The following EPHA4 variants were observed in gnomAD, a reference collection of about 807,000 sequenced individuals.
EPHA4 encodes ephrin type-A receptor 4.
In EPHA4, 19 loss-of-function variants were observed where a neutral mutation model predicts 108.3. The ratio of observed to expected loss-of-function variants is 0.18; its 90% CI spans 0.12 to 0.26. The LOEUF (loss-of-function observed/expected upper bound fraction) is 0.26, where lower values mean the gene tolerates loss of function less well. Ranked by LOEUF, EPHA4 falls within the 10% of genes least tolerant of loss-of-function variation. EPHA4 has a pLI of 1.00. For synonymous variants in EPHA4, 449 were observed against 455.5 expected (o/e 0.99, Z 0.18); for missense variants, 917 against 1,254.0 (o/e 0.73, Z 4.06).
rs143620310 is a variant in EPHA4, at chr2:221,478,710, A to G, written c.1318+3642T>C. On this transcript the variant is annotated intron_variant, in intron 5 of 17. Transcript: ENST00000281821. The stretch of plus-strand genomic sequence containing the variant: ...AAGTACTCTGTCCTCAGCTCCACCC[A>G]CTCTCAGACCTGTCTATCTGCCTAT... Among the ~76,000 whole-genome samples, 1,110 of 151,962 alleles carry G rather than the reference A, an allele frequency of 7.3e-3. 19 individuals are homozygous for G. The highest frequency in any genetic ancestry group is 0.026 in the African/African-American group (1,064 of 41,460).
chr2:221,419,000 T>C lies in EPHA4; in HGVS notation c.*2372A>G. ...ACACCCTGTCAGAATGTAATAAATA[T>C]TTATTGATGATTTTCTCTACTTATT... is the stretch of plus-strand genomic sequence containing the variant. On this transcript the variant is annotated 3_prime_UTR_variant, in exon 18 of 18. Transcript: ENST00000281821. 6.6e-6 allele frequency: 1 copy of C among 152,666 alleles called. No individual in the cohort carries two copies. Among genetic ancestry groups the C allele is most frequent in the South Asian group, 2.1e-4 (1 of 4,832 alleles). The allele number at this position is 152,666 out of a possible 1,614,324, so 9.5% of individuals were successfully genotyped here.
intron 3 of EPHA4, among the ~76,000 whole-genome samples, chr2:221,547,065 T>G (rs1694018514): frequency 6.6e-6 from 1 of 152,146 alleles, no homozygotes. Context: ...CAGGGGAAGG[T>G]GAGAAAGTAC....
intron 4 of EPHA4, among the ~76,000 whole-genome samples, chr2:221,500,644 C>T (rs749787860): frequency 6.6e-6 from 1 of 152,118 alleles, no homozygotes; most frequent in South Asian, 2.1e-4. Flanking sequence ...AGACTGAAAC[C>T]ACATTCCCAA....
chr2:221,545,986 C>T (rs905784249), intron 3 of EPHA4, among the ~76,000 whole-genome samples: 11 of 152,202 alleles, frequency 7.2e-5, no homozygotes, highest in Admixed American at 1.3e-4. Context: ...ACCTCATCCC[C>T]AGCAGGACTC....
chr2:221,499,756 ATT>A (rs575017779), intron 4 of EPHA4, among the ~76,000 whole-genome samples: 449 of 26,048 alleles, frequency 0.017, 15 homozygotes, highest in South Asian at 0.036. Context: ...ATATATATAT[ATT>A]TTTTTTTTTT....
At chr2:221,513,460 A>G (rs761820463) in intron 3 of EPHA4, among the ~76,000 whole-genome samples, 16 of 152,240 alleles carry the variant, frequency 1.1e-4, no homozygotes, top group Non-Finnish European at 2.1e-4. Flanking sequence ...TGCAGCTGAA[A>G]TGACTGCAGT....
At chr2:221,433,021 T>G (rs1186410848) in intron 14 of EPHA4, among the ~76,000 whole-genome samples, 1 of 152,016 alleles carries the variant, frequency 6.6e-6, no homozygotes, top group Admixed American at 6.6e-5. Flanking sequence ...AGACGGGGTT[T>G]CACCATGTTG....
At chr2:221,466,948 G>A (rs944734209) in intron 5 of EPHA4, among the ~76,000 whole-genome samples, 1 of 152,108 alleles carries the variant, frequency 6.6e-6, no homozygotes, top group East Asian at 1.9e-4. Flanking sequence ...CAGCAGTAGC[G>A]GCAGCAGCAA....
chr2:221,573,222 AGAC>A (rs1391825534), upstream of EPHA4: 4 of 152,284 alleles, frequency 2.6e-5, no homozygotes. The surrounding 1 kb of genome is among the most constrained non-coding windows in gnomAD (Gnocchi z 4.5). Flanking sequence ...GCAGCCGCAC[AGAC>A]AAGGCAGACC....
chr2:221,432,123 TA>T (rs1690093792), intron 14 of EPHA4, among the ~76,000 whole-genome samples: 1 of 140,652 alleles, frequency 7.1e-6, no homozygotes, highest in African/African-American at 2.9e-5. Flanking sequence ...TATATATATA[TA>T]TTGTTTTTTT....
At chr2:221,455,740 T>C in intron 7 of EPHA4, 82 bp from the exon 8 acceptor site, 2 of 969,942 alleles carry the variant, frequency 2.1e-6, no homozygotes, top group South Asian at 2.8e-5. Flanking sequence ...GTTTTCAGTG[T>C]TCTGAAGCCA....
chr2:221,469,523 C>T (rs1028512548), intron 5 of EPHA4, among the ~76,000 whole-genome samples: 1 of 152,110 alleles, frequency 6.6e-6, no homozygotes, highest in African/African-American at 2.4e-5. Flanking sequence ...GAGACAAGTA[C>T]AATATTTGCA....
chr2:221,567,339 C>T (rs1248756616), intron 2 of EPHA4, among the ~76,000 whole-genome samples: 1 of 152,144 alleles, frequency 6.6e-6, no homozygotes, highest in East Asian at 1.9e-4. Context: ...GAATCAGTGA[C>T]CTTTCCAGGG....
intron 8 of EPHA4, among the ~76,000 whole-genome samples, chr2:221,448,337 G>A (rs1690662488): frequency 6.6e-6 from 1 of 152,068 alleles, no homozygotes; most frequent in South Asian, 2.1e-4. Flanking sequence ...ACTTCATAGA[G>A]CCTCTCTTAC....
chr2:221,521,796 A>G (rs904532527), intron 3 of EPHA4, among the ~76,000 whole-genome samples: 1 of 152,074 alleles, frequency 6.6e-6, no homozygotes, highest in Non-Finnish European at 1.5e-5. Context: ...CCAACATGGC[A>G]AAGCCCAGTC....
chr2:221,538,860 G>A (rs889427158), intron 3 of EPHA4, among the ~76,000 whole-genome samples: 5 of 152,024 alleles, frequency 3.3e-5, no homozygotes, highest in South Asian at 2.1e-4. Flanking sequence ...TTGTTTCTTC[G>A]TTCATTTCAA....
At chr2:221,544,107 C>T (rs1438636324) in intron 3 of EPHA4, among the ~76,000 whole-genome samples, 5 of 152,110 alleles carry the variant, frequency 3.3e-5, no homozygotes, top group African/African-American at 4.8e-5. Flanking sequence ...ACTCTCATGA[C>T]CTAAACGCCA....
At chr2:221,539,528 G>A (rs1226802258) in intron 3 of EPHA4, among the ~76,000 whole-genome samples, 2 of 152,102 alleles carry the variant, frequency 1.3e-5, no homozygotes, top group Non-Finnish European at 2.9e-5. Context: ...AGGGCCTTTG[G>A]GGCAGGGTAA....
chr2:221,557,734 T>A (rs182535634), intron 3 of EPHA4, among the ~76,000 whole-genome samples: 2 of 152,326 alleles, frequency 1.3e-5, no homozygotes, highest in Non-Finnish European at 2.9e-5. Flanking sequence ...AAGGACCTCA[T>A]TAATACATTA....
Sources: gnomAD v4.1 joint callset for allele counts (sites outside exome capture counted in the v4.1 genomes callset) on GRCh38, gnomAD v4.1.1 for gene constraint, Gnocchi (gnomAD v3.1) non-coding constraint, MANE v1.5 for transcripts, NCBI Gene and HGNC (gene_info 2026-07-23, HGNC 2026-07-21) for gene names.